SLIT3: variants seen among roughly 807,000 people sequenced by gnomAD.
SLIT3 encodes slit guidance ligand 3, also known as slit homolog 3 protein.
In SLIT3, 68 loss-of-function variants were observed where a neutral mutation model predicts 184.0. That is an observed-to-expected ratio of 0.37 (90% confidence interval 0.30 to 0.45). The LOEUF is 0.45. SLIT3 is among the 20% of genes least tolerant of loss of function. The probability of loss-of-function intolerance (pLI) is 1.00; values close to 1 mark genes in which losing one functional copy is unlikely to be tolerated. For missense variants in SLIT3, 1,707 were observed against 2,026.0 expected, an observed-to-expected ratio of 0.84 and a Z score of 3.02; for synonymous variants, 831 against 828.6, an observed-to-expected ratio of 1.00 and a Z score of -0.05.
At chr5:168,884,367 G>C (rs2113793367) in intron 4 of SLIT3, among the ~76,000 whole-genome samples, 1 of 150,282 alleles carries the variant, frequency 6.7e-6, no homozygotes, top group South Asian at 2.1e-4. Flanking sequence ...CCGGGGGCTA[G>C]GGACACAATG....
chr5:169,081,427 A>G (rs2668040), intron 4 of SLIT3, among the ~76,000 whole-genome samples: 107,150 of 152,040 alleles, frequency 0.7, 37,816 homozygotes, highest in East Asian at 0.81. Context: ...TAAACCTGCC[A>G]TGCCCTGGGG....
At chr5:168,676,655 A>G (rs1668155131) in intron 32 of SLIT3, among the ~76,000 whole-genome samples, 1 of 152,258 alleles carries the variant, frequency 6.6e-6, no homozygotes, top group South Asian at 2.1e-4. Flanking sequence ...ATATGCAGGT[A>G]TATCCCACAG....
intron 4 of SLIT3, among the ~76,000 whole-genome samples, chr5:168,908,957 C>T (rs573499426): frequency 6.8e-4 from 103 of 152,234 alleles, no homozygotes; most frequent in African/African-American, 2.5e-3. Context: ...CCTACCTATC[C>T]CCTACTTGGA....
rs560732524 is a variant in SLIT3, at chr5:169,023,843, T to G, written c.414-140507A>C. On this transcript the variant is annotated intron_variant, in intron 4 of 35. Transcript: ENST00000519560. The stretch of plus-strand genomic sequence containing the variant: ...CCTATCTCTAAAGACAGAGGTGAGC[T>G]GGTATTATGAAGTCAGATGCATCTT... 2.6e-5 allele frequency: 4 copies of G among 152,280 alleles called. 1 individual carries two copies. In the South Asian group the frequency reaches 8.3e-4, roughly 32 times the overall value. The allele number at this position is 152,280 out of a possible 1,614,324, so 9.4% of individuals were successfully genotyped here. A position where few individuals can be genotyped will look rare whatever the true frequency, so the allele number is the denominator to read the frequency against.
At chr5:168,877,237 G>C (rs1759764420) in intron 5 of SLIT3, among the ~76,000 whole-genome samples, 1 of 152,216 alleles carries the variant, frequency 6.6e-6, no homozygotes, top group Admixed American at 6.5e-5. Context: ...GATAGAGAGG[G>C]AAGGCAGTGG....
At chr5:168,814,593 C>T (rs1757271057) in intron 8 of SLIT3, among the ~76,000 whole-genome samples, 1 of 152,122 alleles carries the variant, frequency 6.6e-6, no homozygotes, top group Non-Finnish European at 1.5e-5. Context: ...CAAAGACTGA[C>T]CACTCATGTT....
chr5:168,845,392 C>T (rs1253092244), intron 5 of SLIT3, among the ~76,000 whole-genome samples: 1 of 152,050 alleles, frequency 6.6e-6, no homozygotes, highest in African/African-American at 2.4e-5. Context: ...TTGATGGAAG[C>T]GTTCATGAAG....
intron 4 of SLIT3, among the ~76,000 whole-genome samples, chr5:169,034,342 C>A (rs980664632): frequency 2.0e-5 from 3 of 152,126 alleles, no homozygotes; most frequent in Non-Finnish European, 4.4e-5. Flanking sequence ...TGTCCAGGAG[C>A]TTTTTCCCCG....
At chr5:168,887,106 C>G (rs945727470) in intron 4 of SLIT3, among the ~76,000 whole-genome samples, 1 of 151,962 alleles carries the variant, frequency 6.6e-6, no homozygotes. Flanking sequence ...TCCAGTGGAG[C>G]TTTTGAAATG....
intron 3 of SLIT3, among the ~76,000 whole-genome samples, chr5:169,206,472 C>G (rs1181441970): frequency 6.6e-6 from 1 of 152,200 alleles, no homozygotes; most frequent in African/African-American, 2.4e-5. Context: ...TAGAAATACT[C>G]TAGCTAGTAG....
At chr5:169,031,720 C>T (rs1242033021) in intron 4 of SLIT3, among the ~76,000 whole-genome samples, 1 of 152,182 alleles carries the variant, frequency 6.6e-6, no homozygotes, top group Non-Finnish European at 1.5e-5. Context: ...GCATCGAATT[C>T]ATACACAGCA....
chr5:169,032,922 ATTTTTTTTTTTTTTT>A (rs199911562), intron 4 of SLIT3, among the ~76,000 whole-genome samples: 3 of 88,128 alleles, frequency 3.4e-5, no homozygotes, highest in Admixed American at 1.3e-4. Flanking sequence ...TTTTTCCTTG[ATTTTTTTTTTTTTTT>A]TTTTTTTTTT....
At chr5:168,691,015 T>G (rs1345812888) in intron 29 of SLIT3, among the ~76,000 whole-genome samples, 2 of 152,090 alleles carry the variant, frequency 1.3e-5, no homozygotes, top group Non-Finnish European at 2.9e-5. Flanking sequence ...CCTAAAGGGG[T>G]GGGGCTGCTT....
intron 20 of SLIT3, among the ~76,000 whole-genome samples, chr5:168,746,411 A>G (rs200386759): frequency 0.017 from 479 of 28,226 alleles, 11 homozygotes; most frequent in African/African-American, 0.021. Flanking sequence ...GGTGGTGTGT[A>G]GTGTGTGAGT....
chr5:169,114,202 C>G (rs975382171), intron 4 of SLIT3, among the ~76,000 whole-genome samples: 1 of 152,162 alleles, frequency 6.6e-6, no homozygotes, highest in African/African-American at 2.4e-5. Context: ...ATCCTTTATG[C>G]CTTCTCTTTT....
intron 4 of SLIT3, among the ~76,000 whole-genome samples, chr5:168,898,026 G>A (rs1327743836): frequency 6.6e-6 from 1 of 152,196 alleles, no homozygotes; most frequent in Non-Finnish European, 1.5e-5. Context: ...CCAGAGACAA[G>A]GTTTTGGCAG....
chr5:169,290,461 G>C (rs1354980876), intron 1 of SLIT3, among the ~76,000 whole-genome samples: 2 of 150,836 alleles, frequency 1.3e-5, no homozygotes, highest in Non-Finnish European at 3.0e-5. Flanking sequence ...GCACATGCTA[G>C]GGCACACGCT....
At chr5:169,033,702 C>T (rs1757124381) in intron 4 of SLIT3, among the ~76,000 whole-genome samples, 1 of 151,906 alleles carries the variant, frequency 6.6e-6, no homozygotes, top group Non-Finnish European at 1.5e-5. Flanking sequence ...ATGTTGAGCA[C>T]CTTTTCATAT....
In SLIT3 at chr5:168,760,873, G is replaced by A. The variant is rs757229891; in HGVS notation, c.1674C>T (p.Asn558=). ...TGAAGTTGACTTACATTTTCCGCAG[G>A]TTGGGCAACTTCTTGAAGATGCCAG... ...EATGIFKKLP[N]LRKINLSNNK... is the part of the protein sequence containing the mutation. The change falls in exon 16 of 36, where the codon AAC becomes AAT. Residue 558 remains asparagine (N), a synonymous_variant. Transcript: ENST00000519560. 15 of 1,613,124 alleles carry A rather than the reference G, an allele frequency of 9.3e-6. No homozygotes were observed. Among genetic ancestry groups the A allele is most frequent in the African/African-American group, 8.0e-5 (6 of 74,884 alleles).
Sources: allele counts gnomAD v4.1 joint callset (sites outside exome capture counted in the v4.1 genomes callset), GRCh38; gene constraint gnomAD v4.1.1; transcripts MANE v1.5; gene names NCBI Gene and HGNC (gene_info 2026-07-23, HGNC 2026-07-21).